The following ASPSCR1 variants were observed in gnomAD, a reference collection of about 807,000 sequenced individuals.
ASPSCR1 encodes ASPSCR1 tether for SLC2A4, UBX domain containing.
ASPSCR1 carries 55 observed loss-of-function variants against 68.9 expected under a neutral mutation model. The ratio of observed to expected loss-of-function variants is 0.80; its 90% CI spans 0.64 to 1.00. The LOEUF is 1.00. ASPSCR1 is among the 50% of genes least tolerant of loss of function. The pLI, the probability that ASPSCR1 is intolerant of heterozygous loss-of-function variation, is 0.00. For synonymous variants in ASPSCR1, 352 were observed against 332.6 expected, an observed-to-expected ratio of 1.06 and a Z score of -0.63; for missense variants, 765 against 762.2, an observed-to-expected ratio of 1.00 and a Z score of -0.04.
intron 5 of ASPSCR1, 98 bp from the exon 6 acceptor site, chr17:81,995,894 C>T (rs992734082): frequency 3.0e-5 from 36 of 1,183,346 alleles, no homozygotes; most frequent in African/African-American, 2.6e-4. Context: ...AGAGAGGGCA[C>T]GTGGCCTGTG....
chr17:82,010,263 C>T (rs1030042323), intron 9 of ASPSCR1, among the ~76,000 whole-genome samples: 6 of 150,370 alleles, frequency 4.0e-5, no homozygotes, highest in South Asian at 4.3e-4. Flanking sequence ...GGCGTGGTGG[C>T]TCACGCCTGT....
chr17:81,994,962 C>G, intron 5 of ASPSCR1, 84 bp downstream of exon 5: 1 of 1,413,180 alleles, frequency 7.1e-7, no homozygotes, highest in Non-Finnish European at 9.6e-7. Flanking sequence ...CCGCAGCCGT[C>G]TCCAGGGCAG....
intron 3 of ASPSCR1, among the ~76,000 whole-genome samples, chr17:81,984,061 C>T (rs1436591777): frequency 2.0e-5 from 3 of 151,968 alleles, no homozygotes; most frequent in Admixed American, 6.6e-5. Context: ...ACCATGTTGG[C>T]CTGCTGGTCT....
chr17:81,995,930 G>A lies in ASPSCR1; in HGVS notation c.433-62G>A, dbSNP rs556748767. ...GTCCTGGTGGTGCCGGTGCCCGGAG[G>A]GCTTCCCTGGGCTCTGGGGTCCCGG... On this transcript the variant is annotated intron_variant, in intron 5 of 15. Transcript: ENST00000306739. 5,312 of 1,542,374 alleles carry A rather than the reference G, an allele frequency of 3.4e-3. 11 individuals are homozygous for A. Among genetic ancestry groups the A allele is most frequent in the Non-Finnish European group, 4.1e-3 (4,679 of 1,132,204 alleles).
chr17:81,983,521 A>G lies in ASPSCR1; in HGVS notation c.159-33A>G, dbSNP rs2041865519. ...GATGGCAGGGCGTGTCAGGCTCTGC[A>G]GGGCAGCAAGTGTGCTCTGGTCTGT... On this transcript the variant is annotated intron_variant, in intron 2 of 15. Transcript: ENST00000306739. This position sits in a 1 kb window ranked among gnomAD's most constrained non-coding sequence, Gnocchi z 4.4. The G allele has an allele frequency of 4.0e-6, 6 of 1,502,746 alleles. No individual in the cohort carries two copies. The highest frequency in any genetic ancestry group is 1.6e-5 in the African/African-American group (1 of 62,854). 93.1% of individuals were successfully genotyped at this position (1,502,746 alleles called of 1,614,324 possible).
intron 7 of ASPSCR1, 67 bp from the exon 8 acceptor site, chr17:82,008,970 C>G: frequency 7.0e-7 from 1 of 1,428,046 alleles, no homozygotes; most frequent in African/African-American, 1.5e-5. Context: ...GGCTGGGGCA[C>G]TGACAGCCCG....
Position 81,979,237 on chromosome 17 carries a change from G to T in ASPSCR1, c.156G>T (p.Leu52=). ...RQDFNPCEYD[L]KFQRSVLDLS... is the part of the protein sequence containing the mutation. ...ACTTCAACCCCTGTGAATATGATCT[G>T]AAGTGAGTTTGCTCCAGCTCAGCAG... is the stretch of plus-strand genomic sequence containing the variant. The change falls in exon 2 of 16, where the codon CTG becomes CTT. Residue 52 remains leucine, a splice_region_variant and synonymous_variant. Coordinates refer to ENST00000306739, the MANE Select transcript of ASPSCR1 (RefSeq NM_024083.4). The T allele has an allele frequency of 6.2e-7, 1 of 1,613,968 alleles. No individual in the cohort carries two copies. The highest frequency in any genetic ancestry group is 8.5e-7 in the Non-Finnish European group (1 of 1,179,928).
At chr17:82,011,388 AC>A (rs1399271942) in intron 10 of ASPSCR1, among the ~76,000 whole-genome samples, 154 bp from the exon 11 acceptor site, 1 of 152,158 alleles carries the variant, frequency 6.6e-6, no homozygotes, top group African/African-American at 2.4e-5. Context: ...TGGCCCAGCC[AC>A]GCCGAGCACC....
intron 2 of ASPSCR1, among the ~76,000 whole-genome samples, chr17:81,981,038 A>G (rs1056542835): frequency 1.3e-5 from 2 of 152,196 alleles, no homozygotes; most frequent in East Asian, 1.9e-4. Context: ...AATAAATGGC[A>G]AATCAGAGGA....
intron 2 of ASPSCR1, among the ~76,000 whole-genome samples, chr17:81,982,414 T>C (rs1017563355): frequency 6.6e-6 from 1 of 152,234 alleles, no homozygotes; most frequent in Admixed American, 6.5e-5. Flanking sequence ...ACCACTTGCT[T>C]ACAAAGTGCA....
intron 9 of ASPSCR1, chr17:82,010,092 T>G: frequency 3.1e-6 from 1 of 322,502 alleles, no homozygotes; most frequent in South Asian, 2.1e-5. Context: ...TTGTTGTTTT[T>G]TTTTTTTTTA....
At chr17:82,010,210 C>T (rs2042876637) in intron 9 of ASPSCR1, among the ~76,000 whole-genome samples, 1 of 150,950 alleles carries the variant, frequency 6.6e-6, no homozygotes, top group Admixed American at 6.6e-5. Flanking sequence ...GCTTGAGCCA[C>T]CACACCTGGC....
chr17:82,008,999 C>T (rs965931709), intron 7 of ASPSCR1, 38 bp from the exon 8 acceptor site: 8 of 1,467,264 alleles, frequency 5.5e-6, no homozygotes, highest in African/African-American at 1.4e-5. Flanking sequence ...AGGGCCCAGC[C>T]CGTGACACCC....
At chr17:82,001,654 C>T (rs550525233) in intron 7 of ASPSCR1, among the ~76,000 whole-genome samples, 35 of 152,228 alleles carry the variant, frequency 2.3e-4, no homozygotes, top group Non-Finnish European at 4.1e-4. Context: ...CCGTACTGGG[C>T]GAGTCGGCTG....
rs1205439589 is a variant in ASPSCR1 at position 82,009,489 on chromosome 17, G to A, written c.1092G>A (p.Lys364=). 3 of 1,577,666 alleles carry A rather than the reference G, an allele frequency of 1.9e-6. No individual in the cohort carries two copies. The highest frequency in any genetic ancestry group is 3.4e-4 in the Middle Eastern group (2 of 5,952). ...RRLAQLKSER[K]RLEEAPLVTK... ...TTCCTTCCCCTCCTCACCACAGGAA[G>A]CGCCTGGAAGAAGCCCCCTTGGTGA... Residue 364 remains lysine, a synonymous_variant, in exon 9 of 16, where the codon AAG becomes AAA. Coordinates refer to ENST00000306739, the MANE Select transcript of ASPSCR1 (RefSeq NM_024083.4).
intron 2 of ASPSCR1, among the ~76,000 whole-genome samples, chr17:81,979,530 A>G (rs1230392758): frequency 2.0e-5 from 3 of 152,138 alleles, no homozygotes; most frequent in Non-Finnish European, 4.4e-5. Context: ...TCTGTGTCTC[A>G]GGAAGACCCT....
Position 82,010,883 on chromosome 17 carries a change from G to C in ASPSCR1, c.1237+15G>C. 1.2e-6 allele frequency: 2 copies of C among 1,609,996 alleles called. No homozygotes were observed. Among genetic ancestry groups the C allele is most frequent in the South Asian group, 2.2e-5 (2 of 91,046 alleles). On this transcript the variant is annotated intron_variant, in intron 10 of 15. Transcript: ENST00000306739. ...CAGCGAGACAGGTGGGCAGCGCTGT[G>C]GGGTGTCCGGGGATGGGGGGCAGGG...
rs1372742992 is a variant in ASPSCR1, at chr17:81,977,740, C to A, written c.94C>A (p.Leu32Met). Residue 32 changes from leucine to methionine, a missense_variant, in exon 1 of 16, where the codon CTG becomes ATG. Coordinates refer to ENST00000306739, the MANE Select transcript of ASPSCR1 (RefSeq NM_024083.4). The surrounding 1 kb of genome is among the most constrained non-coding windows in gnomAD (Gnocchi z 5.0). Reference protein sequence around the residue: ...HTVKVTPSTVLLQVLEDTCRR... With the variant: ...HTVKVTPSTVMLQVLEDTCRR... ...GGTGAAGGTGACGCCGAGCACCGTG[C>A]TGCTTCAGGTGCGGCCGCCCGCCCG... 8.0e-7 allele frequency: 1 copy of A among 1,248,938 alleles called. No individual in the cohort carries two copies. The allele number at this position is 1,248,938 out of a possible 1,614,324, so 77.4% of individuals were successfully genotyped here. A position where few individuals can be genotyped will look rare whatever the true frequency, so the allele number is the denominator to read the frequency against.
chr17:82,016,725 T>C, intron 13 of ASPSCR1, 75 bp from the exon 14 acceptor site: 1 of 1,531,802 alleles, frequency 6.5e-7, no homozygotes. Context: ...AGCTGAGTGC[T>C]GGTGGGCAGA....
Sources: gnomAD v4.1 joint callset for allele counts (sites outside exome capture counted in the v4.1 genomes callset) on GRCh38, gnomAD v4.1.1 for gene constraint, Gnocchi (gnomAD v3.1) non-coding constraint, MANE v1.5 for transcripts, NCBI Gene and HGNC (gene_info 2026-07-23, HGNC 2026-07-21) for gene names.